Variants in GOSR1 observed in about 807,000 individuals in gnomAD.
The protein encoded by GOSR1 is golgi SNAP receptor complex member 1, also known as 28 kDa Golgi SNARE protein.
Under a neutral mutation model 35.5 loss-of-function variants are expected in GOSR1, and 21 were observed. The observed-to-expected ratio is 0.59, with a 90% confidence interval of 0.42 to 0.85. GOSR1 has a LOEUF of 0.85. Ranked by LOEUF, GOSR1 falls within the 40% of genes least tolerant of loss-of-function variation. The pLI, the probability that GOSR1 is intolerant of heterozygous loss-of-function variation, is 0.00. For missense variants in GOSR1, 285 were observed against 309.6 expected, an observed-to-expected ratio of 0.92 and a Z score of 0.60; for synonymous variants, 94 against 106.6, an observed-to-expected ratio of 0.88 and a Z score of 0.73.
chr17:30,514,887 G>A (rs1967742724), intron 7 of GOSR1, among the ~76,000 whole-genome samples: 1 of 152,114 alleles, frequency 6.6e-6, no homozygotes, highest in Non-Finnish European at 1.5e-5. Context: ...ATTTACATGA[G>A]CTCTTTCGTG....
intron 6 of GOSR1, among the ~76,000 whole-genome samples, chr17:30,501,179 C>A (rs1205607883): frequency 1.3e-5 from 2 of 152,092 alleles, no homozygotes; most frequent in African/African-American, 4.8e-5. Context: ...CGCGCCCGGC[C>A]ACAAAGAACT....
chr17:30,512,393 T>C (rs1967646849), intron 7 of GOSR1, among the ~76,000 whole-genome samples: 1 of 152,184 alleles, frequency 6.6e-6, no homozygotes, highest in African/African-American at 2.4e-5. Flanking sequence ...TGAAAAGAAG[T>C]CCTATATACC....
At chr17:30,480,568 GAAC>G (rs1433689321) in intron 1 of GOSR1, among the ~76,000 whole-genome samples, 1 of 152,146 alleles carries the variant, frequency 6.6e-6, no homozygotes, top group Non-Finnish European at 1.5e-5. Flanking sequence ...AGGAAGGATA[GAAC>G]AACATTTGTT....
chr17:30,524,952 C>A lies in GOSR1; in HGVS notation c.*2574C>A, dbSNP rs1470571314. The A allele has an allele frequency of 1.3e-5, 2 of 152,216 alleles. No homozygotes were observed. Among genetic ancestry groups the A allele is most frequent in the Non-Finnish European group, 2.9e-5 (2 of 68,042 alleles). 9.4% of individuals were successfully genotyped at this position (152,216 alleles called of 1,614,324 possible). On this transcript the variant is annotated 3_prime_UTR_variant, in exon 9 of 9. Coordinates refer to ENST00000451249, the MANE Select transcript of GOSR1 (RefSeq NM_001007025.2). ...ATCTGTCTCTCTCTGCACCTGTCTTCTGTTACCATCCCTGGACAGTGACAG... is the reference window on the plus strand; with the variant it reads ...ATCTGTCTCTCTCTGCACCTGTCTTATGTTACCATCCCTGGACAGTGACAG...
chr17:30,480,421 G>C (rs1161182161), intron 1 of GOSR1, among the ~76,000 whole-genome samples: 1 of 152,090 alleles, frequency 6.6e-6, no homozygotes, highest in Non-Finnish European at 1.5e-5. Context: ...AAGAATAATG[G>C]CTTCTTTCTT....
At position 30,508,551 on chromosome 17, in the gene GOSR1, A is replaced by G. The variant is rs548718879; in HGVS notation, c.510-2329A>G. 5.3e-5 allele frequency among the ~76,000 whole-genome samples: 8 copies of G among 152,276 alleles called. No individual in the cohort carries two copies. In the East Asian group the frequency reaches 1.3e-3, roughly 26 times the overall value. On this transcript the variant is annotated intron_variant, in intron 6 of 8. Transcript: ENST00000451249. ...TAAGATCTTGGCAGGTTAGTGCCAT[A>G]TCTTTGTAGCCACTTTCTGACCCAG... is the stretch of plus-strand genomic sequence containing the variant.
At chr17:30,495,648 T>C (rs11650851) in intron 6 of GOSR1, 17,741 of 298,662 alleles carry the variant, frequency 0.059, 631 homozygotes, top group African/African-American at 0.087. Context: ...TCCAAGCCTC[T>C]GCAGTCTCAT....
chr17:30,502,915 A>T (rs1466140669), intron 6 of GOSR1, among the ~76,000 whole-genome samples: 2 of 152,272 alleles, frequency 1.3e-5, no homozygotes, highest in Non-Finnish European at 2.9e-5. Context: ...TAAGACGTAG[A>T]TCTTAAGGAT....
chr17:30,487,253 A>C (rs1299735965), intron 4 of GOSR1, among the ~76,000 whole-genome samples: 1 of 152,228 alleles, frequency 6.6e-6, no homozygotes, highest in East Asian at 1.9e-4. Context: ...ACCATTGCTT[A>C]ATTATTCAGA....
chr17:30,486,932 T>C (rs946339866), intron 4 of GOSR1, among the ~76,000 whole-genome samples: 2 of 152,158 alleles, frequency 1.3e-5, no homozygotes, highest in Non-Finnish European at 2.9e-5. Context: ...GTTGTTTGTT[T>C]AATTAAAAAC....
intron 6 of GOSR1, among the ~76,000 whole-genome samples, chr17:30,496,540 A>G (rs1436993022): frequency 1.3e-5 from 2 of 152,180 alleles, no homozygotes; most frequent in African/African-American, 2.4e-5. Flanking sequence ...TGGCCTAGGA[A>G]TCCTTTTAAA....
intron 6 of GOSR1, among the ~76,000 whole-genome samples, chr17:30,498,952 A>G (rs1567906688): frequency 6.6e-6 from 1 of 152,238 alleles, no homozygotes; most frequent in Non-Finnish European, 1.5e-5. Flanking sequence ...CCGCCACCAC[A>G]GTAAGACAGA....
intron 6 of GOSR1, among the ~76,000 whole-genome samples, chr17:30,497,701 T>G (rs1298036746): frequency 6.6e-6 from 1 of 152,236 alleles, no homozygotes; most frequent in Non-Finnish European, 1.5e-5. Context: ...GTGGAACCCG[T>G]CAATGCCAGA....
intron 6 of GOSR1, 87 bp downstream of exon 6, chr17:30,492,840 A>G (rs1414153583): frequency 1.2e-5 from 10 of 800,712 alleles, no homozygotes; most frequent in Non-Finnish European, 1.8e-5. Context: ...GATGTTTATT[A>G]TACTGAGTGC....
At position 30,524,224 on chromosome 17, in the gene GOSR1, A is replaced by G. The variant is rs1567922832; in HGVS notation, c.*1846A>G. On this transcript the variant is annotated 3_prime_UTR_variant, in exon 9 of 9. Transcript: ENST00000451249. ...CCAAGAATGATCAATTAAAAAAAAA[A>G]TAATATAATAATAATTCTTGTCCTC... 6.5e-6 allele frequency: 1 copy of G among 152,810 alleles called. No homozygotes were observed. Among genetic ancestry groups the G allele is most frequent in the East Asian group, 1.9e-4 (1 of 5,238 alleles). 9.5% of individuals were successfully genotyped at this position (152,810 alleles called of 1,614,324 possible). A position where few individuals can be genotyped will look rare whatever the true frequency, so the allele number is the denominator to read the frequency against.
chr17:30,514,922 G>GT (rs1204094358), intron 7 of GOSR1, among the ~76,000 whole-genome samples: 1 of 152,174 alleles, frequency 6.6e-6, no homozygotes, highest in Non-Finnish European at 1.5e-5. Flanking sequence ...ACATTTATGT[G>GT]TATGTTTTGT....
rs780719843 is a variant in GOSR1, at chr17:30,481,135, T to G, written c.32-8T>G. 6.4e-7 allele frequency: 1 copy of G among 1,568,948 alleles called. No homozygotes were observed. The highest frequency in any genetic ancestry group is 2.2e-5 in the East Asian group (1 of 44,658). On this transcript the variant is annotated splice_region_variant and splice_polypyrimidine_tract_variant and intron_variant, in intron 1 of 8. Transcript: ENST00000451249. ...GTCTAATTATTTGTTGTTATAATTT[T>G]GTTAAAGATCTCAGGAAACAGGCTC...
At chr17:30,477,846 TGGAGGAGTCA>T in intron 1 of GOSR1, 1 of 985,200 alleles carries the variant, frequency 1.0e-6, no homozygotes, top group South Asian at 4.7e-5. Context: ...CCCCGGAGAC[TGGAGGAGTCA>T]GCGCATTGGA....
In GOSR1 at chr17:30,527,576, G is replaced by T. The variant is rs1297102166; in HGVS notation, c.*5198G>T. 6.7e-6 allele frequency: 1 copy of T among 150,344 alleles called. No homozygotes were observed. The highest frequency in any genetic ancestry group is 1.9e-4 in the East Asian group (1 of 5,194). The allele number at this position is 150,344 out of a possible 1,614,324, so 9.3% of individuals were successfully genotyped here. Reference sequence around the variant, plus strand: ...GCATCTCAGCAAAGCCAGGGGTACAGGGCTCACCTGACATAAGAGATATCC... The same window carrying T: ...GCATCTCAGCAAAGCCAGGGGTACATGGCTCACCTGACATAAGAGATATCC... On this transcript the variant is annotated 3_prime_UTR_variant, in exon 9 of 9. Transcript: ENST00000451249.
Sources: gnomAD v4.1 joint callset for allele counts (sites outside exome capture counted in the v4.1 genomes callset) on GRCh38, gnomAD v4.1.1 for gene constraint, MANE v1.5 for transcripts, NCBI Gene and HGNC (gene_info 2026-07-23, HGNC 2026-07-21) for gene names.